Variants in ICA1L observed in about 807,000 individuals in gnomAD.
ICA1L encodes islet cell autoantigen 1-like protein.
In ICA1L, 50 loss-of-function variants were observed where a neutral mutation model predicts 61.3. The observed-to-expected ratio is 0.82, with a 90% CI of 0.65 to 1.03. The LOEUF is 1.03. Among genes scored for constraint, ICA1L ranks in the 50% least tolerant of loss-of-function variants. The pLI, the probability that ICA1L is intolerant of heterozygous loss-of-function variation, is 0.00. For missense variants in ICA1L, 508 were observed against 556.7 expected (o/e 0.91, Z 0.88); for synonymous variants, 161 against 191.3 (o/e 0.84, Z 1.31).
chr2:202,806,161 G>A (rs1693219521), intron 9 of ICA1L, among the ~76,000 whole-genome samples: 1 of 152,096 alleles, frequency 6.6e-6, no homozygotes, highest in African/African-American at 2.4e-5. Context: ...CCAATCCCAG[G>A]CAGTGCAGCT....
intron 1 of ICA1L, 56 bp downstream of exon 1, chr2:202,871,563 G>A (rs927981143): frequency 1.3e-5 from 2 of 152,040 alleles, no homozygotes; most frequent in African/African-American, 4.8e-5. Context: ...TTGGTCTCCG[G>A]GCCTGACCGC....
In ICA1L at chr2:202,847,695, T is replaced by TTATA. The variant is rs80134434; in HGVS notation, c.-7-18683_-7-18680dup. On this transcript the variant is annotated intron_variant, in intron 1 of 12. Transcript: ENST00000358299. ...CTTAGAATGAAATATTATATGGGAA[T>TTATA]TATATATATATATAGTTAAGCAGTG... is the stretch of plus-strand genomic sequence containing the variant. 2.9e-5 allele frequency among the ~76,000 whole-genome samples: 3 copies of TTATA among 102,230 alleles called. 1 individual carries two copies. The highest frequency in any genetic ancestry group is 5.9e-5 in the Non-Finnish European group (3 of 50,974). The allele number at this position is 102,230 out of a possible 152,430, so 67.1% of individuals were successfully genotyped here. A position where few individuals can be genotyped will look rare whatever the true frequency, so the allele number is the denominator to read the frequency against.
intron 1 of ICA1L, among the ~76,000 whole-genome samples, chr2:202,865,468 C>T (rs954635033): frequency 3.5e-5 from 5 of 144,160 alleles, no homozygotes; most frequent in African/African-American, 1.0e-4. Flanking sequence ...GACTCCATCC[C>T]GAAAAAAAAA....
intron 10 of ICA1L, 54 bp downstream of exon 10, chr2:202,796,835 TA>T: frequency 1.8e-6 from 2 of 1,095,500 alleles, no homozygotes; most frequent in Non-Finnish European, 2.6e-6. Flanking sequence ...AAATGTTAAA[TA>T]AAAATTGAAG....
chr2:202,812,193 G>C (rs1693396948), intron 8 of ICA1L, among the ~76,000 whole-genome samples: 1 of 152,222 alleles, frequency 6.6e-6, no homozygotes, highest in South Asian at 2.1e-4. Context: ...ATGAAGTGAT[G>C]TTTGCAAGAC....
intron 12 of ICA1L, 43 bp from the exon 13 acceptor site, chr2:202,779,691 G>A (rs763500886): frequency 7.7e-6 from 9 of 1,165,642 alleles, no homozygotes; most frequent in Non-Finnish European, 1.1e-5. Context: ...ATTCAGTTTT[G>A]AAATCATGTT....
At chr2:202,863,360 G>C (rs185152780) in intron 1 of ICA1L, among the ~76,000 whole-genome samples, 60 of 151,892 alleles carry the variant, frequency 4.0e-4, no homozygotes, top group Admixed American at 1.2e-3. Context: ...AGAAAAAGAG[G>C]AGCAAATTAA....
intron 1 of ICA1L, among the ~76,000 whole-genome samples, chr2:202,857,971 C>T (rs1694811535): frequency 1.3e-5 from 2 of 152,146 alleles, no homozygotes; most frequent in Non-Finnish European, 2.9e-5. Context: ...CAGGAAACAA[C>T]AGATGCTGGA....
chr2:202,781,883 TGA>T (rs1692418304), intron 12 of ICA1L, among the ~76,000 whole-genome samples: 2 of 152,186 alleles, frequency 1.3e-5, no homozygotes, highest in Admixed American at 6.5e-5. Context: ...ACGCAGTTTT[TGA>T]GATTCTAGTT....
intron 1 of ICA1L, among the ~76,000 whole-genome samples, chr2:202,867,765 C>T (rs1038125096): frequency 3.9e-5 from 6 of 152,172 alleles, no homozygotes; most frequent in African/African-American, 1.4e-4. Flanking sequence ...AACCTTCATA[C>T]ATTGGTCGTG....
chr2:202,828,787 T>C (rs1693921261), intron 2 of ICA1L, 61 bp downstream of exon 2: 1 of 1,375,134 alleles, frequency 7.3e-7, no homozygotes, highest in Non-Finnish European at 1.0e-6. Flanking sequence ...CCTGTTGCAG[T>C]TCCCCTTGGA....
At chr2:202,828,037 A>G (rs75166090) in intron 2 of ICA1L, among the ~76,000 whole-genome samples, 14,003 of 152,174 alleles carry the variant, frequency 0.092, 767 homozygotes, top group Non-Finnish European at 0.13. Context: ...GGCTGGGCAC[A>G]GTGGCTTACC....
intron 5 of ICA1L, 109 bp downstream of exon 5, chr2:202,819,592 A>G: frequency 1.2e-6 from 1 of 861,970 alleles, no homozygotes; most frequent in Non-Finnish European, 1.8e-6. Flanking sequence ...AAGAATGTAT[A>G]ATGAAACATA....
chr2:202,803,366 A>G (rs1038192597), intron 9 of ICA1L, among the ~76,000 whole-genome samples: 5 of 139,274 alleles, frequency 3.6e-5, no homozygotes, highest in Non-Finnish European at 7.5e-5. Context: ...GCACCACTGC[A>G]CTCCAGCCTG....
intron 1 of ICA1L, among the ~76,000 whole-genome samples, chr2:202,861,807 C>G (rs1042222402): frequency 1.3e-5 from 2 of 150,610 alleles, no homozygotes; most frequent in Admixed American, 6.6e-5. Context: ...ATCACTTGAA[C>G]CCAGGATACA....
At chr2:202,837,272 T>C (rs1694178986) in intron 1 of ICA1L, among the ~76,000 whole-genome samples, 1 of 152,024 alleles carries the variant, frequency 6.6e-6, no homozygotes, top group Non-Finnish European at 1.5e-5. Context: ...CTTACCAATT[T>C]TCCGTTGTTG....
At chr2:202,865,466 C>A (rs1687474368) in intron 1 of ICA1L, among the ~76,000 whole-genome samples, 1 of 147,602 alleles carries the variant, frequency 6.8e-6, no homozygotes, top group Admixed American at 6.8e-5. Context: ...AAGACTCCAT[C>A]CCGAAAAAAA....
chr2:202,863,145 A>G (rs1360598848), intron 1 of ICA1L, among the ~76,000 whole-genome samples: 1 of 151,912 alleles, frequency 6.6e-6, no homozygotes, highest in African/African-American at 2.4e-5. Flanking sequence ...TACAAAAATT[A>G]GCCGGGTGTG....
At chr2:202,847,078 G>A (rs1187024201) in intron 1 of ICA1L, among the ~76,000 whole-genome samples, 2 of 152,194 alleles carry the variant, frequency 1.3e-5, no homozygotes, top group African/African-American at 2.4e-5. Flanking sequence ...AATACAGGCT[G>A]AAGAAGAGAA....
Sources: gnomAD v4.1 joint callset for allele counts (sites outside exome capture counted in the v4.1 genomes callset) on GRCh38, gnomAD v4.1.1 for gene constraint, MANE v1.5 for transcripts, NCBI Gene and HGNC (gene_info 2026-07-23, HGNC 2026-07-21) for gene names.